The following ERBB4 variants were observed in gnomAD, a reference collection of about 807,000 sequenced individuals.
The protein encoded by ERBB4 is receptor tyrosine-protein kinase erbB-4.
A neutral mutation model predicts 158.0 loss-of-function variants in ERBB4; 42 were observed. That is an observed-to-expected ratio of 0.27 (90% CI 0.21 to 0.34). The LOEUF (loss-of-function observed/expected upper bound fraction) is 0.34, where lower values mean the gene tolerates loss of function less well. ERBB4 is among the 10% of genes least tolerant of loss of function. The pLI, the probability that ERBB4 is intolerant of heterozygous loss-of-function variation, is 1.00. For missense variants in ERBB4, 1,333 were observed against 1,624.1 expected (o/e 0.82, Z 3.08); for synonymous variants, 583 against 558.7 (o/e 1.04, Z -0.61).
chr2:211,850,586 T>A (rs1289136546), intron 3 of ERBB4, among the ~76,000 whole-genome samples: 1 of 151,868 alleles, frequency 6.6e-6, no homozygotes, highest in African/African-American at 2.4e-5. Context: ...CTAGAGAAGA[T>A]ATTGATAAGT....
At chr2:211,624,504 G>A (rs1210050697) in intron 17 of ERBB4, among the ~76,000 whole-genome samples, 2 of 152,096 alleles carry the variant, frequency 1.3e-5, no homozygotes, top group East Asian at 1.9e-4. Context: ...TATAGGTCCC[G>A]GTTCAGCAAG....
intron 1 of ERBB4, among the ~76,000 whole-genome samples, chr2:212,535,704 G>A (rs1166274317): frequency 6.6e-6 from 1 of 152,082 alleles, no homozygotes; most frequent in Non-Finnish European, 1.5e-5. Flanking sequence ...GCTATATCTA[G>A]ATATATCTAA....
intron 1 of ERBB4, among the ~76,000 whole-genome samples, chr2:212,210,123 T>A (rs1326379173): frequency 6.6e-6 from 1 of 151,294 alleles, no homozygotes; most frequent in South Asian, 2.1e-4. Flanking sequence ...CATCATGTTG[T>A]GCATAGATAT....
In ERBB4 at chr2:212,306,927, G is replaced by A. The variant is rs188327374; in HGVS notation, c.83-182024C>T. 1.9e-3 allele frequency among the ~76,000 whole-genome samples: 288 copies of A among 151,280 alleles called. 2 individuals carry two copies. Among genetic ancestry groups the A allele is most frequent in the Middle Eastern group, 3.4e-3 (1 of 294 alleles). On this transcript the variant is annotated intron_variant, in intron 1 of 27. Transcript: ENST00000342788. ...GATTTAATTGTAAGATTTCTGGATG[G>A]CATTTTTAATTGACTAAAAAATATT...
chr2:211,450,328 C>G (rs761750839), intron 20 of ERBB4, among the ~76,000 whole-genome samples: 1 of 151,860 alleles, frequency 6.6e-6, no homozygotes, highest in African/African-American at 2.4e-5. Context: ...TGATAAAAGT[C>G]CTTGGGATGT....
intron 2 of ERBB4, among the ~76,000 whole-genome samples, chr2:212,006,556 T>C (rs1055988970): frequency 6.6e-6 from 1 of 152,062 alleles, no homozygotes; most frequent in Non-Finnish European, 1.5e-5. Context: ...TTAAATACAT[T>C]ATTTTGAAAA....
intron 2 of ERBB4, among the ~76,000 whole-genome samples, chr2:212,108,079 T>C (rs1217740830): frequency 6.6e-6 from 1 of 152,190 alleles, no homozygotes; most frequent in Non-Finnish European, 1.5e-5. Flanking sequence ...TATACCAGAT[T>C]ATACTATTAA....
At chr2:211,409,351 T>C (rs955320228) in intron 25 of ERBB4, among the ~76,000 whole-genome samples, 2 of 152,134 alleles carry the variant, frequency 1.3e-5, no homozygotes, top group African/African-American at 4.8e-5. Flanking sequence ...GGGTAATAAA[T>C]GTAAAAAAGC....
intron 20 of ERBB4, among the ~76,000 whole-genome samples, chr2:211,553,693 C>G (rs2067163971): frequency 6.6e-6 from 1 of 152,086 alleles, no homozygotes; most frequent in Non-Finnish European, 1.5e-5. Context: ...ACTGTTATCC[C>G]CCTTTTCAAG....
chr2:211,391,126 G>C (rs12619707), intron 25 of ERBB4, among the ~76,000 whole-genome samples: 12,643 of 152,164 alleles, frequency 0.083, 965 homozygotes, highest in African/African-American at 0.19. Context: ...TTTTGTACTT[G>C]AGAGCCAAGC....
chr2:211,496,970 C>T (rs540514509), intron 20 of ERBB4, among the ~76,000 whole-genome samples: 1 of 152,166 alleles, frequency 6.6e-6, no homozygotes, highest in Non-Finnish European at 1.5e-5. Flanking sequence ...GGTTTGTCTC[C>T]TACCTCAAAC....
intron 1 of ERBB4, among the ~76,000 whole-genome samples, chr2:212,289,204 T>A (rs1438110459): frequency 1.3e-5 from 2 of 152,230 alleles, no homozygotes; most frequent in Non-Finnish European, 2.9e-5. Context: ...TCTACTTTTT[T>A]AAAATGAATA....
chr2:211,817,976 T>C (rs529968842), intron 3 of ERBB4, among the ~76,000 whole-genome samples: 44 of 152,286 alleles, frequency 2.9e-4, no homozygotes, highest in African/African-American at 1.0e-3. Context: ...TAAGAACTCA[T>C]ATCTTGTTAA....
intron 3 of ERBB4, among the ~76,000 whole-genome samples, chr2:211,828,196 T>C (rs1469723262): frequency 6.6e-6 from 1 of 152,188 alleles, no homozygotes; most frequent in Non-Finnish European, 1.5e-5. Flanking sequence ...GGATGGGAAA[T>C]CAGTGTTCTA....
chr2:211,587,306 G>T (rs571331907), intron 19 of ERBB4, among the ~76,000 whole-genome samples: 1 of 152,118 alleles, frequency 6.6e-6, no homozygotes, highest in Non-Finnish European at 1.5e-5. Context: ...AGTGAGCCAA[G>T]ATCACGCCAC....
intron 19 of ERBB4, among the ~76,000 whole-genome samples, chr2:211,610,362 T>G (rs1029500267): frequency 2.0e-5 from 3 of 152,164 alleles, no homozygotes; most frequent in African/African-American, 7.2e-5. Flanking sequence ...CCCTTCCTCC[T>G]GCAGGAACAG....
chr2:212,535,815 C>T (rs1473083768), intron 1 of ERBB4, among the ~76,000 whole-genome samples: 2 of 152,160 alleles, frequency 1.3e-5, no homozygotes, highest in Admixed American at 6.5e-5. Context: ...AAAAGAGGTT[C>T]TCTTCTGTTA....
intron 1 of ERBB4, among the ~76,000 whole-genome samples, chr2:212,335,581 G>A (rs1427775971): frequency 2.0e-5 from 3 of 151,866 alleles, no homozygotes; most frequent in Non-Finnish European, 4.4e-5. Context: ...ACTGTTATAA[G>A]GAATGCCATT....
chr2:211,763,881 T>C (rs1421008083), intron 4 of ERBB4, among the ~76,000 whole-genome samples: 1 of 112,110 alleles, frequency 8.9e-6, no homozygotes, highest in Non-Finnish European at 2.0e-5. Flanking sequence ...AACAAGGCCT[T>C]AGCTGTGCGT....
Sources: gnomAD v4.1 joint callset for allele counts (sites outside exome capture counted in the v4.1 genomes callset) on GRCh38, gnomAD v4.1.1 for gene constraint, MANE v1.5 for transcripts, NCBI Gene and HGNC (gene_info 2026-07-23, HGNC 2026-07-21) for gene names.